Variants in DNAAF11 observed in about 807,000 individuals in gnomAD.
DNAAF11 encodes dynein axonemal assembly factor 11, also known as leucine rich repeat containing 6.
DNAAF11 carries 45 observed loss-of-function variants against 60.8 expected under a neutral mutation model. The observed-to-expected ratio is 0.74, with a 90% confidence interval of 0.58 to 0.95. The LOEUF (loss-of-function observed/expected upper bound fraction) is 0.95. Among genes scored for constraint, DNAAF11 ranks in the 40% least tolerant of loss-of-function variants. The pLI is 0.00. For synonymous variants in DNAAF11, 191 were observed against 183.5 expected (o/e 1.04, Z -0.33); for missense variants, 546 against 546.2 (o/e 1.00, Z 0.00).
chr8:132,629,046 T>C (rs1820547815), intron 5 of DNAAF11, among the ~76,000 whole-genome samples: 1 of 152,214 alleles, frequency 6.6e-6, no homozygotes, highest in Non-Finnish European at 1.5e-5. Flanking sequence ...CAAATAATCA[T>C]GGACAAAGGA....
chr8:132,615,130 A>G (rs2130080733), intron 7 of DNAAF11, 33 bp from the exon 8 acceptor site: 14 of 1,363,436 alleles, frequency 1.0e-5, no homozygotes, highest in Non-Finnish European at 1.5e-5. Flanking sequence ...GAAAAAAGAG[A>G]TGTCTTTAGG....
intron 3 of DNAAF11, among the ~76,000 whole-genome samples, chr8:132,639,694 GT>G (rs777136714): frequency 1.2e-4 from 18 of 152,146 alleles, no homozygotes; most frequent in Non-Finnish European, 2.5e-4. Flanking sequence ...CTCTTATTAA[GT>G]CAGATCCCAA....
intron 1 of DNAAF11, among the ~76,000 whole-genome samples, chr8:132,662,663 A>G (rs574786019): frequency 6.6e-6 from 1 of 152,342 alleles, no homozygotes; most frequent in Admixed American, 6.5e-5. Context: ...GAGAGTTTAA[A>G]TAACTTACCT....
At chr8:132,633,040 G>A in intron 4 of DNAAF11, 77 bp from the exon 5 acceptor site, 6 of 822,928 alleles carry the variant, frequency 7.3e-6, no homozygotes, top group East Asian at 2.6e-5. Flanking sequence ...ATTTTGATTA[G>A]AAATAATAAT....
intron 10 of DNAAF11, among the ~76,000 whole-genome samples, chr8:132,602,936 G>A (rs967016054): frequency 2.0e-5 from 3 of 152,166 alleles, no homozygotes; most frequent in South Asian, 4.1e-4. Context: ...TGTGAAGACA[G>A]GCTGTGAGGC....
At chr8:132,691,601 A>G in the DNAAF11 span, among the ~76,000 whole-genome samples, 1 of 152,230 alleles carries the variant, frequency 6.6e-6, no homozygotes, top group Non-Finnish European at 1.5e-5. Context: ...CAGGAAACTT[A>G]CAATCATGGT....
At chr8:132,699,617 A>AACTC in the DNAAF11 span, among the ~76,000 whole-genome samples, 2 of 151,756 alleles carry the variant, frequency 1.3e-5, no homozygotes, top group African/African-American at 2.4e-5. Context: ...TTACCTGCCA[A>AACTC]ACTCACTCAC....
chr8:132,675,576 G>C, upstream of DNAAF11: 1 of 1,390,258 alleles, frequency 7.2e-7, no homozygotes, highest in South Asian at 1.5e-5. Context: ...GCTCCTCAGC[G>C]CGTCCCCGTC....
intron 9 of DNAAF11, 100 bp from the exon 10 acceptor site, chr8:132,610,361 C>A: frequency 1.4e-6 from 1 of 733,996 alleles, no homozygotes; most frequent in South Asian, 1.6e-5. Context: ...ATACACCATT[C>A]AATTAAGAAA....
At chr8:132,657,231 T>G (rs1823667833) in intron 2 of DNAAF11, among the ~76,000 whole-genome samples, 1 of 152,158 alleles carries the variant, frequency 6.6e-6, no homozygotes, top group South Asian at 2.1e-4. Context: ...AACCTAGGTT[T>G]AAGCCAAAAA....
rs778527065 is a variant in DNAAF11, at chr8:132,610,242, G to C, written c.1064C>G (p.Pro355Arg). 1 of 1,613,448 alleles carries C rather than the reference G, an allele frequency of 6.2e-7. No homozygotes were observed. Among genetic ancestry groups the C allele is most frequent in the Non-Finnish European group, 8.5e-7 (1 of 1,179,482 alleles). ...IKGKPFQLVLPAEVKPDSSSA... is the reference protein window; with the variant it reads ...IKGKPFQLVLRAEVKPDSSSA... Reference sequence around the variant, plus strand: ...ACTACTATCGGGTTTCACTTCTGCAGGAAGGACAAGCTGAAATGGCTGAAA... The same window carrying C: ...ACTACTATCGGGTTTCACTTCTGCACGAAGGACAAGCTGAAATGGCTGAAA... The change falls in exon 10 of 12, where the codon CCT becomes CGT. Residue 355 changes from proline to arginine, a missense_variant. Transcript: ENST00000620350.
intron 5 of DNAAF11, among the ~76,000 whole-genome samples, chr8:132,631,290 A>G (rs1399501365): frequency 2.6e-5 from 4 of 152,210 alleles, no homozygotes; most frequent in Non-Finnish European, 4.4e-5. Context: ...AGCTGGCACC[A>G]CTAGGAAGAC....
At chr8:132,666,706 C>T (rs1057388528) in intron 1 of DNAAF11, among the ~76,000 whole-genome samples, 3 of 152,182 alleles carry the variant, frequency 2.0e-5, no homozygotes, top group Non-Finnish European at 4.4e-5. Context: ...GCAAGTGTAT[C>T]TTCTTTCACT....
At chr8:132,647,882 A>T (rs1475686376) in intron 3 of DNAAF11, among the ~76,000 whole-genome samples, 3 of 152,170 alleles carry the variant, frequency 2.0e-5, no homozygotes, top group Non-Finnish European at 4.4e-5. Flanking sequence ...CTAAAAACCA[A>T]AAAAAGTCCA....
intron 1 of DNAAF11, among the ~76,000 whole-genome samples, chr8:132,669,940 CAAAA>C (rs35402875): frequency 2.4e-3 from 166 of 69,760 alleles, no homozygotes; most frequent in Middle Eastern, 9.8e-3. Context: ...GACTCCGTCT[CAAAA>C]AAAAAAAAAA....
At chr8:132,583,268 G>A (rs575923896) in intron 11 of DNAAF11, among the ~76,000 whole-genome samples, 118 of 152,272 alleles carry the variant, frequency 7.7e-4, no homozygotes, top group Non-Finnish European at 4.6e-4. Context: ...CAGCAAGGTT[G>A]TCCCAGCATG....
At chr8:132,689,378 T>C in the DNAAF11 span, among the ~76,000 whole-genome samples, 1 of 152,034 alleles carries the variant, frequency 6.6e-6, no homozygotes, top group African/African-American at 2.4e-5. Context: ...TCATCTGGGG[T>C]TTTGCTTTCT....
At chr8:132,685,159 T>C in the DNAAF11 span, 1 of 152,234 alleles carries the variant, frequency 6.6e-6, no homozygotes, top group Non-Finnish European at 1.5e-5. Flanking sequence ...AATTTAATTT[T>C]CTCTGAGAAG....
At chr8:132,622,877 A>T in intron 6 of DNAAF11, 189 bp from the exon 7 acceptor site, 1 of 541,760 alleles carries the variant, frequency 1.8e-6, no homozygotes, top group Non-Finnish European at 3.3e-6. Flanking sequence ...CTGACAATCA[A>T]GCCAGATTTT....
Sources: allele counts gnomAD v4.1 joint callset (sites outside exome capture counted in the v4.1 genomes callset), GRCh38; gene constraint gnomAD v4.1.1; transcripts MANE v1.5; gene names NCBI Gene and HGNC (gene_info 2026-07-23, HGNC 2026-07-21).